The following SPTLC1 variants were observed in gnomAD, a reference collection of about 807,000 sequenced individuals.
The protein encoded by SPTLC1 is serine palmitoyltransferase long chain base subunit 1, also known as serine palmitoyltransferase 1.
Under a neutral mutation model 68.9 loss-of-function variants are expected in SPTLC1, and 55 were observed. The ratio of observed to expected loss-of-function variants is 0.80; its 90% confidence interval spans 0.64 to 1.00. The LOEUF (loss-of-function observed/expected upper bound fraction) is 1.00, where lower values mean the gene tolerates loss of function less well. Among genes scored for constraint, SPTLC1 ranks in the 50% least tolerant of loss-of-function variants. The pLI is 0.00. For missense variants in SPTLC1, 449 were observed against 573.1 expected (o/e 0.78, Z 2.21); for synonymous variants, 197 against 201.6 (o/e 0.98, Z 0.19).
At chr9:92,084,412 T>A (rs1305989117) in intron 3 of SPTLC1, among the ~76,000 whole-genome samples, 7 of 152,248 alleles carry the variant, frequency 4.6e-5, no homozygotes, top group African/African-American at 1.7e-4. Context: ...TTGAGATACG[T>A]CCCATCAATA....
chr9:92,046,084 T>G (rs764262621), intron 11 of SPTLC1, 31 bp from the exon 12 acceptor site: 1 of 1,587,066 alleles, frequency 6.3e-7, no homozygotes, highest in South Asian at 1.1e-5. Context: ...TGAGAGTCTA[T>G]TTGAAACTTA....
intron 13 of SPTLC1, among the ~76,000 whole-genome samples, chr9:92,036,499 C>T (rs1056669150): frequency 4.6e-5 from 7 of 152,226 alleles, no homozygotes; most frequent in African/African-American, 1.7e-4. Context: ...AACTGTCCCT[C>T]AACATGAAGC....
At chr9:92,045,978 T>G in intron 12 of SPTLC1, 21 bp downstream of exon 12, 1 of 1,607,220 alleles carries the variant, frequency 6.2e-7, no homozygotes, top group Non-Finnish European at 8.5e-7. Flanking sequence ...TTTATGTTGG[T>G]TGAAAATATA....
chr9:92,057,079 T>C lies in SPTLC1; in HGVS notation c.691-1585A>G, dbSNP rs1833919437. On this transcript the variant is annotated intron_variant, in intron 7 of 14. Coordinates refer to ENST00000262554, the MANE Select transcript of SPTLC1 (RefSeq NM_006415.4). ...AATCATACCACACGGTGATAATTTT[T>C]GTCTTTCTTGTATAAACATATAAAT... Among the ~76,000 whole-genome samples the C allele has an allele frequency of 4.6e-5, 7 of 152,262 alleles. No individual in the cohort carries two copies. The South Asian group carries it at 1.4e-3, about 31-fold the overall frequency.
intron 6 of SPTLC1, among the ~76,000 whole-genome samples, chr9:92,062,981 C>A (rs1466021947): frequency 6.6e-6 from 1 of 151,836 alleles, no homozygotes; most frequent in Non-Finnish European, 1.5e-5. Flanking sequence ...AGAAAAAGAA[C>A]AAAATAAACC....
chr9:92,032,418 C>A lies in SPTLC1; in HGVS notation c.*47G>T. 1 of 1,613,822 alleles carries A rather than the reference C, an allele frequency of 6.2e-7. No homozygotes were observed. On this transcript the variant is annotated 3_prime_UTR_variant, in exon 15 of 15. Transcript: ENST00000262554. The stretch of plus-strand genomic sequence containing the variant: ...TCCATGGCCAGCGGGAGTCTTGAGT[C>A]CTCTCTGCGTGTTGTGTGGCAGGAG...
At chr9:92,105,185 G>A (rs12554018) in intron 3 of SPTLC1, 319,537 of 1,529,246 alleles carry the variant, frequency 0.21, 31,447 homozygotes, top group Admixed American at 0.24. Context: ...AAAACTGTCG[G>A]GGCCACCGCT....
chr9:92,086,393 T>C (rs1453042056), intron 3 of SPTLC1, among the ~76,000 whole-genome samples: 1 of 152,234 alleles, frequency 6.6e-6, no homozygotes, highest in Non-Finnish European at 1.5e-5. Flanking sequence ...GTTGTTCCTT[T>C]CCATGTTTAA....
chr9:92,104,501 T>A, intron 3 of SPTLC1: 1 of 1,413,642 alleles, frequency 7.1e-7, no homozygotes, highest in South Asian at 1.3e-5. Flanking sequence ...AGCCCCCCCC[T>A]CAAGGAAGAA....
chr9:92,076,921 C>T (rs1336955597), intron 5 of SPTLC1: 1 of 152,160 alleles, frequency 6.6e-6, no homozygotes, highest in Non-Finnish European at 1.5e-5. Context: ...GTTTGGTCTC[C>T]CTACTTCCAT....
chr9:92,074,753 CTTCGT>C (rs2118643963), intron 5 of SPTLC1, among the ~76,000 whole-genome samples: 1 of 152,258 alleles, frequency 6.6e-6, no homozygotes, highest in Non-Finnish European at 1.5e-5. Flanking sequence ...AGTCCAAGAC[CTTCGT>C]TTCATCAATC....
chr9:92,083,987 C>A (rs1314855932), intron 3 of SPTLC1, among the ~76,000 whole-genome samples: 1 of 152,132 alleles, frequency 6.6e-6, no homozygotes, highest in East Asian at 1.9e-4. Context: ...CTAGGTATTT[C>A]ATTCTCTTTG....
chr9:92,079,607 C>T (rs1219305502), intron 5 of SPTLC1: 1 of 1,539,070 alleles, frequency 6.5e-7, no homozygotes. Context: ...CCCCCTCCCT[C>T]CACCCCAGGC....
intron 3 of SPTLC1, among the ~76,000 whole-genome samples, chr9:92,091,875 G>T (rs1318800820): frequency 2.0e-5 from 3 of 152,118 alleles, no homozygotes. Context: ...ATGATAGCTG[G>T]TGTAGCTACA....
intron 6 of SPTLC1, among the ~76,000 whole-genome samples, chr9:92,065,887 C>G (rs1834261118): frequency 6.6e-6 from 1 of 152,076 alleles, no homozygotes; most frequent in African/African-American, 2.4e-5. Flanking sequence ...TGCAGAAGCC[C>G]CAGGTAGAGT....
At chr9:92,038,422 C>T in intron 12 of SPTLC1, 57 bp from the exon 13 acceptor site, 1 of 1,134,266 alleles carries the variant, frequency 8.8e-7, no homozygotes, top group Non-Finnish European at 1.3e-6. Context: ...GAAGATCGCT[C>T]ACGGAGAAAT....
intron 13 of SPTLC1, among the ~76,000 whole-genome samples, chr9:92,037,162 C>T (rs1833170012): frequency 6.6e-6 from 1 of 152,226 alleles, no homozygotes; most frequent in Non-Finnish European, 1.5e-5. Flanking sequence ...GCTGCCTGCA[C>T]ACCCGGTCTG....
In SPTLC1 at chr9:92,106,256, TA is replaced by T. The variant is rs1275843106; in HGVS notation, c.260+2483del. 5.3e-5 allele frequency among the ~76,000 whole-genome samples: 8 copies of T among 151,630 alleles called. No homozygotes were observed. The South Asian group carries it at 1.5e-3, about 28-fold the overall frequency. ...TCGACATTAAAGTTTACTTTTTAAT[TA>T]AAAAAAAGGAGATTGAGATCATTCT... On this transcript the variant is annotated intron_variant, in intron 3 of 14. Coordinates refer to ENST00000262554, the MANE Select transcript of SPTLC1 (RefSeq NM_006415.4).
intron 14 of SPTLC1, among the ~76,000 whole-genome samples, chr9:92,034,321 T>A (rs1012074944): frequency 2.0e-5 from 3 of 152,242 alleles, no homozygotes; most frequent in Admixed American, 1.3e-4. Context: ...AAGTAAGACA[T>A]TAGTCTTTCA....
Sources: allele counts gnomAD v4.1 joint callset (sites outside exome capture counted in the v4.1 genomes callset), GRCh38; gene constraint gnomAD v4.1.1; transcripts MANE v1.5; gene names NCBI Gene and HGNC (gene_info 2026-07-23, HGNC 2026-07-21).